The following PORCN variants were observed in gnomAD, a reference collection of about 807,000 sequenced individuals.
PORCN encodes protein-serine O-palmitoleoyltransferase porcupine.
A neutral mutation model predicts 43.0 loss-of-function variants in PORCN; 1 was observed. The observed-to-expected ratio is 0.02, with a 90% confidence interval of 0.01 to 0.11. The LOEUF is 0.11. Among genes scored for constraint, PORCN ranks in the 10% least tolerant of loss-of-function variants. The pLI is 1.00. For synonymous variants in PORCN, 148 were observed against 166.4 expected (o/e 0.89, Z 0.85); for missense variants, 240 against 392.1 (o/e 0.61, Z 3.28).
intron 7 of PORCN, among the ~76,000 whole-genome samples, chrX:48,513,901 C>T (rs184030868): frequency 3.0e-4 from 34 of 112,690 alleles, no homozygotes; most frequent in African/African-American, 1.0e-3. Flanking sequence ...CGTCTGGCCA[C>T]GTGAGCCTGC....
intron 13 of PORCN, 99 bp downstream of exon 13, chrX:48,516,245 C>G (rs1359253567): frequency 2.6e-6 from 2 of 777,876 alleles, no homozygotes; most frequent in African/African-American, 4.2e-5. Flanking sequence ...CCACCTTCTT[C>G]TTTTGGTGCC....
intron 1 of PORCN, 188 bp downstream of exon 1, chrX:48,509,291 C>T (rs1186964680): frequency 1.3e-5 from 3 of 239,497 alleles, no homozygotes; most frequent in Non-Finnish European, 1.6e-5. Context: ...GGCGGCCTCT[C>T]GCCGGGTGGG....
At chrX:48,511,834 C>A in intron 3 of PORCN, 58 bp from the exon 4 acceptor site, 1 of 1,098,181 alleles carries the variant, frequency 9.1e-7, no homozygotes, top group Non-Finnish European at 1.3e-6. Context: ...TCCCCTGTCC[C>A]CCATGGTCTC....
At position 48,520,625 on chromosome X, in the gene PORCN, A is replaced by C; in HGVS notation, c.*149A>C. Reference sequence around the variant, plus strand: ...ACACACACACACACACACACACAAAATCACACCATTTTCATGCCTGTCAAT... The same window carrying C: ...ACACACACACACACACACACACAAACTCACACCATTTTCATGCCTGTCAAT... On this transcript the variant is annotated 3_prime_UTR_variant, in exon 15 of 15. Transcript: ENST00000326194. 9 of 474,012 alleles carry C rather than the reference A, an allele frequency of 1.9e-5. No homozygotes were observed. The highest frequency in any genetic ancestry group is 1.1e-5 in the Non-Finnish European group (3 of 263,933). 39.1% of individuals were successfully genotyped at this position (474,012 alleles called of 1,213,427 possible).
chrX:48,515,353 T>G, intron 10 of PORCN: 1 of 289,528 alleles, frequency 3.5e-6, no homozygotes. Context: ...AGGCCAGTGA[T>G]GGTGGTGGTG....
intron 14 of PORCN, among the ~76,000 whole-genome samples, chrX:48,519,595 A>G (rs1556976058): frequency 8.9e-6 from 1 of 112,243 alleles, no homozygotes; most frequent in African/African-American, 3.2e-5. Flanking sequence ...GATAGTCTCA[A>G]TGGAGTAGTA....
chrX:48,512,879 G>A (rs1323168090), intron 7 of PORCN, 27 bp downstream of exon 7: 3 of 1,210,433 alleles, frequency 2.5e-6, no homozygotes, highest in Non-Finnish European at 3.4e-6. Flanking sequence ...GTGAGGGCAC[G>A]TGGAGTGGGG....
chrX:48,517,581 G>A (rs1556975700), intron 14 of PORCN, among the ~76,000 whole-genome samples: 2 of 112,549 alleles, frequency 1.8e-5, no homozygotes, highest in African/African-American at 6.4e-5. Flanking sequence ...ACTTTGGGAG[G>A]CCAAGGTGGG....
intron 7 of PORCN, among the ~76,000 whole-genome samples, chrX:48,513,333 G>A (rs2061689808): frequency 8.9e-6 from 1 of 112,292 alleles, no homozygotes; most frequent in African/African-American, 3.2e-5. Context: ...GAATGGGTCT[G>A]ACTGTGGCAT....
chrX:48,511,459 G>A lies in PORCN; in HGVS notation c.301G>A (p.Val101Ile), dbSNP rs182435804. 6.5e-5 allele frequency: 78 copies of A among 1,208,323 alleles called. No individual in the cohort carries two copies. In the East Asian group the frequency reaches 1.7e-3, roughly 26 times the overall value. ...CTCCCATCGAGGCGTCTTCCTATCC[G>A]TCACCATCCTCATCTACCTACTCAT... The part of the protein sequence containing the change: ...HSSHRGVFLS[V>I]TILIYLLMGE... The change falls in exon 3 of 15, where the codon GTC becomes ATC. Residue 101 changes from valine to isoleucine, a missense_variant. Val to Ile is a conservative substitution (Grantham distance 29). Coordinates refer to ENST00000326194, the MANE Select transcript of PORCN (RefSeq NM_203475.3).
Position 48,512,593 on chromosome X carries a change from G to A in PORCN, c.560G>A (p.Cys187Tyr). The A allele has an allele frequency of 8.3e-7, 1 of 1,210,867 alleles. No individual in the cohort carries two copies. Among genetic ancestry groups the A allele is most frequent in the Admixed American group, 2.2e-5 (1 of 45,994 alleles). ...TGGAGTGCTTGATCCCTACAGAGCT[G>A]CCGGTGGCTGCAGAAGGTGGCCCGG... The part of the protein sequence containing the change: ...LQAVQGRPLS[C>Y]RWLQKVARSL... Residue 187 changes from cysteine (C) to tyrosine (Y), a missense_variant, in exon 6 of 15, where the codon TGC becomes TAC. Coordinates refer to ENST00000326194, the MANE Select transcript of PORCN (RefSeq NM_203475.3).
At chrX:48,513,196 C>A (rs1556974397) in intron 7 of PORCN, among the ~76,000 whole-genome samples, 1 of 112,711 alleles carries the variant, frequency 8.9e-6, no homozygotes, top group African/African-American at 3.2e-5. Context: ...TGTCTATTGG[C>A]CACTGACCCC....
chrX:48,517,624 C>G (rs1556975709), intron 14 of PORCN, among the ~76,000 whole-genome samples: 1 of 112,189 alleles, frequency 8.9e-6, no homozygotes, highest in Non-Finnish European at 1.9e-5. Flanking sequence ...TCAAGACCAG[C>G]CTGGCCAACC....
intron 1 of PORCN, chrX:48,509,368 A>C: frequency 1.5e-5 from 5 of 338,299 alleles, no homozygotes; most frequent in Non-Finnish European, 1.4e-5. Context: ...CCATACAAGG[A>C]GAGATGCACA....
rs2147120606 is a variant in PORCN at position 48,511,482 on chromosome X, C to T, written c.324C>T (p.Leu108=). ...FLSVTILIYL[L]MGEMHMVDTV... The stretch of plus-strand genomic sequence containing the variant: ...CCGTCACCATCCTCATCTACCTACT[C>T]ATGGGGTATGAGTATGCATCCTTAT... The change falls in exon 3 of 15, where the codon CTC becomes CTT. Residue 108 remains leucine (L), a synonymous_variant. Transcript: ENST00000326194. 4 of 1,206,260 alleles carry T rather than the reference C, an allele frequency of 3.3e-6. No homozygotes were observed. In the East Asian group the frequency reaches 1.2e-4, roughly 36 times the overall value.
rs782134455 is a variant in PORCN, at chrX:48,509,770, C to T, written c.-37-14C>T. 5 of 1,202,482 alleles carry T rather than the reference C, an allele frequency of 4.2e-6. No homozygotes were observed. ...CCACGGACACCCGCTCCCTCTGTGT[C>T]CCTGCTTTGACAGATCTATCCATCT... On this transcript the variant is annotated splice_polypyrimidine_tract_variant and intron_variant, in intron 1 of 14. Transcript: ENST00000326194.
In PORCN at chrX:48,520,569, C is replaced by A; in HGVS notation, c.*93C>A. The A allele has an allele frequency of 1.6e-6, 1 of 613,101 alleles. No homozygotes were observed. Among genetic ancestry groups the A allele is most frequent in the Non-Finnish European group, 2.7e-6 (1 of 366,144 alleles). The allele number at this position is 613,101 out of a possible 1,213,427, so 50.5% of individuals were successfully genotyped here. On this transcript the variant is annotated 3_prime_UTR_variant, in exon 15 of 15. Coordinates refer to ENST00000326194, the MANE Select transcript of PORCN (RefSeq NM_203475.3). ...GAAGGCCCTCTCTCTACTCCTTGACCCCCTCCATCCTTGACCCCCAACACC... is the reference window on the plus strand; with the variant it reads ...GAAGGCCCTCTCTCTACTCCTTGACACCCTCCATCCTTGACCCCCAACACC...
intron 14 of PORCN, 122 bp downstream of exon 14, chrX:48,517,415 G>A: frequency 3.9e-6 from 2 of 508,971 alleles, no homozygotes; most frequent in East Asian, 3.6e-5. Flanking sequence ...GCTTCGCCTG[G>A]GCAGCCAGTG....
intron 2 of PORCN, among the ~76,000 whole-genome samples, chrX:48,510,632 T>C (rs1436189038): frequency 8.9e-6 from 1 of 112,083 alleles, no homozygotes; most frequent in African/African-American, 3.2e-5. Context: ...AGGTTTATTA[T>C]TTTGAAATTT....
Sources: allele counts gnomAD v4.1 joint callset (sites outside exome capture counted in the v4.1 genomes callset), GRCh38; gene constraint gnomAD v4.1.1; transcripts MANE v1.5; gene names NCBI Gene and HGNC (gene_info 2026-07-23, HGNC 2026-07-21).